FHIT: variants seen among roughly 807,000 people sequenced by gnomAD.
FHIT encodes the protein bis(5'-adenosyl)-triphosphatase.
A neutral mutation model predicts 17.9 loss-of-function variants in FHIT; 19 were observed. The ratio of observed to expected loss-of-function variants is 1.06; its 90% CI spans 0.74 to 1.56. The LOEUF (loss-of-function observed/expected upper bound fraction) is 1.56. FHIT is among the 40% of genes most tolerant of loss of function. The pLI is 0.00. For missense variants in FHIT, 248 were observed against 189.2 expected (o/e 1.31, Z -1.82); for synonymous variants, 81 against 69.7 (o/e 1.16, Z -0.81).
At chr3:60,885,380 A>C (rs1366358473) in intron 3 of FHIT, among the ~76,000 whole-genome samples, 1 of 152,184 alleles carries the variant, frequency 6.6e-6, no homozygotes, top group African/African-American at 2.4e-5. Flanking sequence ...TAATAAATTA[A>C]ACTTTTGTTA....
intron 8 of FHIT, among the ~76,000 whole-genome samples, chr3:59,867,068 C>T (rs1160800526): frequency 6.7e-6 from 1 of 150,120 alleles, no homozygotes; most frequent in Non-Finnish European, 1.5e-5. Context: ...TCTTTTACAA[C>T]CACACCATAA....
At chr3:60,250,798 T>C (rs1482837470) in intron 5 of FHIT, among the ~76,000 whole-genome samples, 1 of 152,184 alleles carries the variant, frequency 6.6e-6, no homozygotes, top group Admixed American at 6.5e-5. Context: ...TGATTTTCAA[T>C]CGACAATGAG....
intron 5 of FHIT, among the ~76,000 whole-genome samples, chr3:60,067,103 G>A (rs755855071): frequency 5.3e-5 from 8 of 152,078 alleles, no homozygotes; most frequent in Non-Finnish European, 1.0e-4. Context: ...GATACCCAGG[G>A]ACTAAAAGCT....
At chr3:61,030,918 G>C (rs951912399) in intron 3 of FHIT, among the ~76,000 whole-genome samples, 1 of 152,154 alleles carries the variant, frequency 6.6e-6, no homozygotes. Context: ...CTGCAGGAGA[G>C]TAAGGGGAGA....
At chr3:59,812,982 G>A (rs527945919) in intron 8 of FHIT, among the ~76,000 whole-genome samples, 3 of 151,982 alleles carry the variant, frequency 2.0e-5, no homozygotes, top group African/African-American at 4.8e-5. Flanking sequence ...CCGTGCCCCT[G>A]GGTTTAACAG....
At chr3:59,883,546 A>G (rs1261840937) in intron 8 of FHIT, among the ~76,000 whole-genome samples, 1 of 152,214 alleles carries the variant, frequency 6.6e-6, no homozygotes, top group Non-Finnish European at 1.5e-5. Context: ...CCCATGATTC[A>G]ATTATCTCTT....
chr3:60,256,106 C>A (rs1705978432), intron 5 of FHIT, among the ~76,000 whole-genome samples: 1 of 152,164 alleles, frequency 6.6e-6, no homozygotes, highest in Non-Finnish European at 1.5e-5. Context: ...CTCCATTGAT[C>A]TTACCAGTGG....
chr3:60,115,550 C>T (rs1207660353), intron 5 of FHIT, among the ~76,000 whole-genome samples: 1 of 152,116 alleles, frequency 6.6e-6, no homozygotes, highest in Non-Finnish European at 1.5e-5. Context: ...AATTGGCCTA[C>T]ATATCAAAAT....
At chr3:61,014,052 G>A (rs556173437) in intron 3 of FHIT, among the ~76,000 whole-genome samples, 1 of 152,186 alleles carries the variant, frequency 6.6e-6, no homozygotes, top group Non-Finnish European at 1.5e-5. Flanking sequence ...TCACAGGAAG[G>A]GATGAATTTT....
At chr3:60,172,034 C>G (rs902415776) in intron 5 of FHIT, among the ~76,000 whole-genome samples, 1 of 152,056 alleles carries the variant, frequency 6.6e-6, no homozygotes, top group Non-Finnish European at 1.5e-5. Context: ...AACAAAAATC[C>G]AAACAGCCCC....
chr3:60,224,984 G>C (rs1704127046), intron 5 of FHIT, among the ~76,000 whole-genome samples: 1 of 152,014 alleles, frequency 6.6e-6, no homozygotes. Flanking sequence ...GCCTCCCAAA[G>C]TGCTGGGATT....
chr3:59,980,514 A>G (rs1008335990), intron 7 of FHIT, among the ~76,000 whole-genome samples: 4 of 152,142 alleles, frequency 2.6e-5, no homozygotes, highest in South Asian at 2.1e-4. Flanking sequence ...GGGTTTGTCT[A>G]TATAAGATGG....
intron 8 of FHIT, among the ~76,000 whole-genome samples, chr3:59,854,959 A>C (rs988349660): frequency 6.6e-6 from 1 of 152,212 alleles, no homozygotes; most frequent in Non-Finnish European, 1.5e-5. Flanking sequence ...TCTACCTCAC[A>C]TAACTACAGA....
At chr3:60,115,709 G>T (rs1051539260) in intron 5 of FHIT, among the ~76,000 whole-genome samples, 2 of 151,970 alleles carry the variant, frequency 1.3e-5, no homozygotes, top group Non-Finnish European at 2.9e-5. Context: ...GATACACAAA[G>T]GTGAATACTT....
chr3:60,237,277 TTTTTG>T (rs1371484708), intron 5 of FHIT, among the ~76,000 whole-genome samples: 39 of 150,800 alleles, frequency 2.6e-4, no homozygotes, highest in East Asian at 1.9e-4. Context: ...TTTTTTTTTT[TTTTTG>T]GTTAATCTGA....
At chr3:59,857,857 A>G (rs1040480319) in intron 8 of FHIT, among the ~76,000 whole-genome samples, 1 of 152,068 alleles carries the variant, frequency 6.6e-6, no homozygotes, top group African/African-American at 2.4e-5. Flanking sequence ...AAGAGCTCTG[A>G]TAGAGAGAAA....
At chr3:60,839,383 C>T (rs1224597072) in intron 3 of FHIT, among the ~76,000 whole-genome samples, 1 of 152,066 alleles carries the variant, frequency 6.6e-6, no homozygotes, top group South Asian at 2.1e-4. Flanking sequence ...TCCTGCCTGC[C>T]GAATGACTTC....
intron 5 of FHIT, among the ~76,000 whole-genome samples, chr3:60,231,552 C>T (rs749554301): frequency 6.6e-6 from 1 of 152,142 alleles, no homozygotes; most frequent in Admixed American, 6.6e-5. Flanking sequence ...GCTTTTATCA[C>T]TGAACAAGAC....
intron 2 of FHIT, among the ~76,000 whole-genome samples, chr3:61,043,869 T>C (rs2033651428): frequency 6.6e-6 from 1 of 152,146 alleles, no homozygotes; most frequent in Non-Finnish European, 1.5e-5. Flanking sequence ...GCAAACAGGG[T>C]CTGGAGTGGA....
Sources: gnomAD v4.1 joint callset for allele counts (sites outside exome capture counted in the v4.1 genomes callset) on GRCh38, gnomAD v4.1.1 for gene constraint, MANE v1.5 for transcripts, NCBI Gene and HGNC (gene_info 2026-07-23, HGNC 2026-07-21) for gene names.